The following HEXB variants were observed in gnomAD, a reference collection of about 807,000 sequenced individuals.
HEXB encodes the protein hexosaminidase subunit beta.
HEXB carries 51 observed loss-of-function variants against 71.2 expected under a neutral mutation model. The observed-to-expected ratio is 0.72, with a 90% confidence interval of 0.57 to 0.90. HEXB has a LOEUF of 0.90. Ranked by LOEUF, HEXB falls within the 40% of genes least tolerant of loss-of-function variation. The pLI, the probability that HEXB is intolerant of heterozygous loss-of-function variation, is 0.00. For synonymous variants in HEXB, 266 were observed against 249.3 expected, an observed-to-expected ratio of 1.07 and a Z score of -0.63; for missense variants, 617 against 677.0, an observed-to-expected ratio of 0.91 and a Z score of 0.98.
chr5:74,642,200 A>G (rs1747910357), intron 1 of HEXB, among the ~76,000 whole-genome samples: 1 of 152,214 alleles, frequency 6.6e-6, no homozygotes, highest in African/African-American at 2.4e-5. Flanking sequence ...ACAAAGAAAG[A>G]CAGTGCCCTC....
intron 11 of HEXB, 124 bp from the exon 12 acceptor site, chr5:74,720,304 T>TC: frequency 1.3e-6 from 1 of 769,878 alleles, no homozygotes; most frequent in Non-Finnish European, 2.3e-6. Context: ...TCTCCCAAGG[T>TC]CCTGCTAACC....
intron 5 of HEXB, among the ~76,000 whole-genome samples, chr5:74,704,913 A>G (rs1038182365): frequency 2.0e-5 from 3 of 152,052 alleles, no homozygotes; most frequent in African/African-American, 7.2e-5. Context: ...GCAACATGGC[A>G]AAACCCTGTT....
intron 1 of HEXB, among the ~76,000 whole-genome samples, chr5:74,651,865 A>G (rs575770394): frequency 3.3e-5 from 5 of 152,316 alleles, no homozygotes; most frequent in Admixed American, 3.3e-4. Flanking sequence ...AGAAGTGATA[A>G]GACTTAGGTA....
intron 5 of HEXB, among the ~76,000 whole-genome samples, chr5:74,703,018 TCTCA>T (rs1749299543): frequency 6.6e-6 from 1 of 152,182 alleles, no homozygotes; most frequent in South Asian, 2.1e-4. Flanking sequence ...AATGGTGCAG[TCTCA>T]GCTCACTGCA....
chr5:74,661,509 CTCTCTGTGTG>C (rs1429541261), intron 1 of HEXB, among the ~76,000 whole-genome samples: 283 of 71,396 alleles, frequency 4.0e-3, no homozygotes, highest in Middle Eastern at 0.014. Context: ...CATTTTCTCT[CTCTCTGTGTG>C]TGTGTGTGTG....
rs1196142621 is a variant in HEXB at position 74,641,465 on chromosome 5, C to T, written c.-377+907C>T. On this transcript the variant is annotated intron_variant, in intron 1 of 13. Coordinates refer to the HEXB transcript ENST00000511181. The surrounding 1 kb of genome is among the most constrained non-coding windows in gnomAD (Gnocchi z 4.1). ...ACTGCAGGGGCAGCCGGGGCGCAGT[C>T]CTGCGGGGCGCGCACCACGTGCTTT... 6.6e-6 allele frequency: 1 copy of T among 152,370 alleles called. No individual in the cohort carries two copies. The highest frequency in any genetic ancestry group is 1.5e-5 in the Non-Finnish European group (1 of 68,138). 9.4% of individuals were successfully genotyped at this position (152,370 alleles called of 1,614,324 possible). A position where few individuals can be genotyped will look rare whatever the true frequency, so the allele number is the denominator to read the frequency against.
chr5:74,662,187 T>C (rs1748339149), intron 1 of HEXB, among the ~76,000 whole-genome samples: 1 of 152,168 alleles, frequency 6.6e-6, no homozygotes, highest in South Asian at 2.1e-4. Context: ...GTCTTTGTGC[T>C]GTGCACAGAC....
Position 74,713,668 on chromosome 5 carries a change from A to AT in HEXB, c.901+39dup, listed in dbSNP as rs779996861. 3.8e-6 allele frequency: 6 copies of AT among 1,574,158 alleles called. No homozygotes were observed. In the East Asian group the frequency reaches 1.1e-4, roughly 30 times the overall value. ...GTTGTATTTTATTTCATTTTATCTTATTTTTTATTTTTTGAGATGGAGTCT... is the reference window on the plus strand; with the variant it reads ...GTTGTATTTTATTTCATTTTATCTTATTTTTTTATTTTTTGAGATGGAGTCT... On this transcript the variant is annotated intron_variant, in intron 7 of 13. Transcript: ENST00000261416.
intron 2 of HEXB, among the ~76,000 whole-genome samples, chr5:74,691,073 T>C (rs1031679772): frequency 7.2e-5 from 11 of 152,216 alleles, no homozygotes; most frequent in Non-Finnish European, 1.6e-4. Context: ...TAGCTTATCT[T>C]TCAGTCAGTT....
At chr5:74,699,568 C>T (rs1203766633) in intron 5 of HEXB, among the ~76,000 whole-genome samples, 1 of 152,136 alleles carries the variant, frequency 6.6e-6, no homozygotes, top group Admixed American at 6.5e-5. Context: ...AGCCACCACA[C>T]CTGGCCTTTG....
At chr5:74,685,821 C>T (rs1213952607) in intron 1 of HEXB, among the ~76,000 whole-genome samples, 1 of 152,054 alleles carries the variant, frequency 6.6e-6, no homozygotes, top group Non-Finnish European at 1.5e-5. Flanking sequence ...TGCTCTGAGG[C>T]CTTGTTGGGC....
chr5:74,720,782 CCTT>C (rs578219146), intron 13 of HEXB, 35 bp downstream of exon 13: 71 of 1,488,088 alleles, frequency 4.8e-5, no homozygotes, highest in Admixed American at 1.2e-4. Flanking sequence ...TGATTTTTAA[CCTT>C]CTTATTCAGT....
chr5:74,705,391 ATGTT>A, intron 6 of HEXB, 71 bp downstream of exon 6: 1 of 888,678 alleles, frequency 1.1e-6, no homozygotes, highest in Non-Finnish European at 1.9e-6. Flanking sequence ...TGTAGCTTAA[ATGTT>A]TGTTCTTATG....
intron 1 of HEXB, among the ~76,000 whole-genome samples, chr5:74,673,364 G>A (rs1469597956): frequency 1.3e-5 from 2 of 152,178 alleles, no homozygotes; most frequent in Non-Finnish European, 2.9e-5. Context: ...TGTCATGAGA[G>A]TAGAAAAATG....
intron 1 of HEXB, among the ~76,000 whole-genome samples, chr5:74,673,282 A>G (rs1441628026): frequency 1.3e-5 from 2 of 152,254 alleles, no homozygotes; most frequent in African/African-American, 4.8e-5. Context: ...CCCCCTTGCC[A>G]GATGGCACTC....
rs1187398172 is a variant in HEXB at position 74,652,404 on chromosome 5, C to G, written c.-377+11846C>G. Among the ~76,000 whole-genome samples the G allele has an allele frequency of 6.6e-6, 1 of 152,226 alleles. No homozygotes were observed. Among genetic ancestry groups the G allele is most frequent in the Non-Finnish European group, 1.5e-5 (1 of 68,036 alleles). ...CCAGCAAGCAAGCCACTCCTGAATA[C>G]ACAGTAGCCGTTTGCCTTCATGTAT... On this transcript the variant is annotated intron_variant, in intron 1 of 13. Transcript: ENST00000511181. This position sits in a 1 kb window ranked among gnomAD's most constrained non-coding sequence, Gnocchi z 5.4.
chr5:74,720,594 A>AAAC, intron 12 of HEXB, 49 bp from the exon 13 acceptor site: 1 of 1,601,026 alleles, frequency 6.2e-7, no homozygotes, highest in Non-Finnish European at 8.6e-7. Context: ...CAAAAGTGCT[A>AAAC]AACATAAATT....
At chr5:74,703,852 A>T (rs997096792) in intron 5 of HEXB, among the ~76,000 whole-genome samples, 1 of 152,092 alleles carries the variant, frequency 6.6e-6, no homozygotes, top group African/African-American at 2.4e-5. Flanking sequence ...TTTCTTAAAA[A>T]TTTTTTAGTA....
intron 1 of HEXB, among the ~76,000 whole-genome samples, chr5:74,659,286 G>C (rs1748275701): frequency 6.6e-6 from 1 of 152,160 alleles, no homozygotes; most frequent in African/African-American, 2.4e-5. Flanking sequence ...AACAGAACAT[G>C]CAGTGCCTGA....
Sources: gnomAD v4.1 joint callset for allele counts (sites outside exome capture counted in the v4.1 genomes callset) on GRCh38, gnomAD v4.1.1 for gene constraint, Gnocchi (gnomAD v3.1) non-coding constraint, MANE v1.5 for transcripts, NCBI Gene and HGNC (gene_info 2026-07-23, HGNC 2026-07-21) for gene names.